Variants in CTDP1 observed in about 807,000 individuals in gnomAD.
The protein encoded by CTDP1 is RNA polymerase II subunit A C-terminal domain phosphatase.
A neutral mutation model predicts 91.8 loss-of-function variants in CTDP1; 47 were observed. The ratio of observed to expected loss-of-function variants is 0.51; its 90% CI spans 0.41 to 0.65. CTDP1 has a LOEUF of 0.65. Among genes scored for constraint, CTDP1 ranks in the 30% least tolerant of loss-of-function variants. CTDP1 has a pLI of 0.00. For synonymous variants in CTDP1, 656 were observed against 598.5 expected (o/e 1.10, Z -1.40); for missense variants, 1,272 against 1,373.7 (o/e 0.93, Z 1.17).
intron 1 of CTDP1, 126 bp downstream of exon 1, chr18:79,680,387 G>A: frequency 1.4e-6 from 1 of 719,182 alleles, no homozygotes; most frequent in Non-Finnish European, 1.9e-6. Context: ...AAAGCGGGAC[G>A]CAGGCACTGC....
Position 79,736,348 on chromosome 18 carries a change from T to C in CTDP1, c.2581-7T>C, listed in dbSNP as rs1282939745. 8.4e-6 allele frequency: 13 copies of C among 1,549,056 alleles called. No homozygotes were observed. Among genetic ancestry groups the C allele is most frequent in the African/African-American group, 1.4e-5 (1 of 73,088 alleles). The stretch of plus-strand genomic sequence containing the variant: ...AGGTCTGTCGCTGACTCTTGGCTGT[T>C]TGTCAGGTGGACGACATCCTTGGAG... On this transcript the variant is annotated splice_polypyrimidine_tract_variant and splice_region_variant and intron_variant, in intron 11 of 12. Coordinates refer to ENST00000613122, the MANE Select transcript of CTDP1 (RefSeq NM_004715.5).
chr18:79,745,175 A>G (rs942880973), intron 12 of CTDP1, among the ~76,000 whole-genome samples: 1 of 152,198 alleles, frequency 6.6e-6, no homozygotes, highest in Non-Finnish European at 1.5e-5. Context: ...TGACTGTGGC[A>G]TGGATAATTT....
At chr18:79,747,792 C>T (rs2086910656) in intron 12 of CTDP1, among the ~76,000 whole-genome samples, 1 of 152,142 alleles carries the variant, frequency 6.6e-6, no homozygotes, top group African/African-American at 2.4e-5. Context: ...CCTTTTGTTC[C>T]CGCGGCCACG....
At chr18:79,697,655 A>T (rs1325024815) in intron 3 of CTDP1, among the ~76,000 whole-genome samples, 1 of 152,174 alleles carries the variant, frequency 6.6e-6, no homozygotes, top group African/African-American at 2.4e-5. Flanking sequence ...ATTTAACTGA[A>T]TTATAAAATT....
chr18:79,719,329 G>A (rs2086286579), intron 10 of CTDP1, among the ~76,000 whole-genome samples: 1 of 152,138 alleles, frequency 6.6e-6, no homozygotes, highest in African/African-American at 2.4e-5. Context: ...GGCAGGTGCA[G>A]GGTGGCTGCG....
intron 12 of CTDP1, among the ~76,000 whole-genome samples, chr18:79,741,114 T>C (rs1308976031): frequency 6.6e-6 from 1 of 150,560 alleles, no homozygotes; most frequent in Non-Finnish European, 1.5e-5. Flanking sequence ...CCCGTGTGGT[T>C]GATCTGTCCC....
chr18:79,747,448 G>A (rs540507361), intron 12 of CTDP1, among the ~76,000 whole-genome samples: 46 of 152,188 alleles, frequency 3.0e-4, no homozygotes, highest in Admixed American at 2.6e-3. Flanking sequence ...CCCTGGGCCC[G>A]GGCCCACTCT....
intron 5 of CTDP1, 47 bp from the exon 6 acceptor site, chr18:79,710,299 G>C: frequency 4.7e-6 from 7 of 1,480,854 alleles, no homozygotes; most frequent in Non-Finnish European, 6.6e-6. Context: ...CCGTGTGACC[G>C]AAACGTGTCT....
intron 4 of CTDP1, among the ~76,000 whole-genome samples, chr18:79,698,459 C>T (rs1276841292): frequency 2.0e-5 from 3 of 152,068 alleles, no homozygotes; most frequent in East Asian, 1.9e-4. Context: ...AGGTGACCAG[C>T]GTACATTCTC....
chr18:79,680,725 C>T (rs2085346137), intron 1 of CTDP1: 1 of 153,060 alleles, frequency 6.5e-6, no homozygotes, highest in Non-Finnish European at 1.5e-5. Context: ...AGTTCTGTTT[C>T]GTGGCTAAGG....
At chr18:79,679,181 C>A (rs1372023507), upstream of CTDP1, 1 of 328,806 alleles carries the variant, frequency 3.0e-6, no homozygotes. Context: ...GGGCCCACCG[C>A]CTGCGCGGGC....
chr18:79,679,970 G>A lies in CTDP1; in HGVS notation c.23G>A (p.Arg8His), dbSNP rs1468476745. The stretch of plus-strand genomic sequence containing the variant: ...GCGATGGAGGTGCCGGCCGCGGGTC[G>A]CGTTCCTGCCGAGGGCGCCCCGACG... MEVPAAG[R>H]VPAEGAPTAA... Residue 8 changes from arginine (R) to histidine (H), a missense_variant, in exon 1 of 13, where the codon CGC (arginine) becomes CAC (histidine). This residue lies in a region of CTDP1 where 214 missense variants were observed against 179.1 expected (regional missense o/e 1.19). Coordinates refer to ENST00000613122, the MANE Select transcript of CTDP1 (RefSeq NM_004715.5). 1 of 1,377,076 alleles carries A rather than the reference G, an allele frequency of 7.3e-7. No individual in the cohort carries two copies. The highest frequency in any genetic ancestry group is 2.8e-5 in the Admixed American group (1 of 35,458). The allele number at this position is 1,377,076 out of a possible 1,614,324, so 85.3% of individuals were successfully genotyped here.
rs928966004 is a variant in CTDP1 at position 79,747,256 on chromosome 18, C to T, written c.2748-6396C>T. Among the ~76,000 whole-genome samples the T allele has an allele frequency of 5.9e-5, 9 of 152,184 alleles. No individual in the cohort carries two copies. The South Asian group carries it at 6.2e-4, about 11-fold the overall frequency. The stretch of plus-strand genomic sequence containing the variant: ...GGTGTGGTGAGCGCCCGGCCAGCTC[C>T]CTGCTGGGAAGGGCCCCTGCCCCTC... On this transcript the variant is annotated intron_variant, in intron 12 of 12. Coordinates refer to ENST00000613122, the MANE Select transcript of CTDP1 (RefSeq NM_004715.5).
chr18:79,724,811 C>T (rs370050110), intron 10 of CTDP1, among the ~76,000 whole-genome samples: 6 of 152,296 alleles, frequency 3.9e-5, no homozygotes, highest in East Asian at 3.9e-4. Context: ...GTCTTTCATG[C>T]GACACCTCAG....
At chr18:79,749,091 G>A (rs2086941220) in intron 12 of CTDP1, among the ~76,000 whole-genome samples, 1 of 152,228 alleles carries the variant, frequency 6.6e-6, no homozygotes. Context: ...GGCCTTGTGA[G>A]GGGAACATAT....
intron 4 of CTDP1, among the ~76,000 whole-genome samples, chr18:79,701,747 G>C (rs1439223506): frequency 6.6e-6 from 1 of 152,102 alleles, no homozygotes; most frequent in African/African-American, 2.4e-5. Flanking sequence ...CCAGGAGTTG[G>C]GAAGATGTCG....
At chr18:79,748,046 A>G (rs2086915989) in intron 12 of CTDP1, among the ~76,000 whole-genome samples, 1 of 152,198 alleles carries the variant, frequency 6.6e-6, no homozygotes, top group Non-Finnish European at 1.5e-5. Context: ...TTAAAGCTGT[A>G]AATTTTCCCC....
intron 10 of CTDP1, 86 bp downstream of exon 10, chr18:79,718,102 G>A (rs181425812): frequency 4.0e-6 from 6 of 1,510,408 alleles, no homozygotes; most frequent in African/African-American, 2.7e-5. Flanking sequence ...GGCGTCAGTT[G>A]CCCGAAGTGA....
At chr18:79,688,265 T>G (rs935645878) in intron 1 of CTDP1, among the ~76,000 whole-genome samples, 1 of 152,210 alleles carries the variant, frequency 6.6e-6, no homozygotes, top group Non-Finnish European at 1.5e-5. Context: ...CCTTTGAAGC[T>G]GTTTGTTTTT....
Sources: allele counts gnomAD v4.1 joint callset (sites outside exome capture counted in the v4.1 genomes callset), GRCh38; gene constraint gnomAD v4.1.1; regional missense constraint gnomAD v4.1.1; transcripts MANE v1.5; gene names NCBI Gene and HGNC (gene_info 2026-07-23, HGNC 2026-07-21).